LRRC37A2: variants seen among roughly 807,000 people sequenced by gnomAD.
LRRC37A2 encodes the protein leucine rich repeat containing 37 member A2.
A neutral mutation model predicts 68.8 loss-of-function variants in LRRC37A2; 9 were observed. The ratio of observed to expected loss-of-function variants is 0.13; its 90% CI spans 0.08 to 0.23. The LOEUF (loss-of-function observed/expected upper bound fraction) is 0.23. Among genes scored for constraint, LRRC37A2 ranks in the 10% least tolerant of loss-of-function variants. The pLI is 1.00. For missense variants in LRRC37A2, 168 were observed against 950.4 expected (o/e 0.18, Z 10.82); for synonymous variants, 63 against 367.6 (o/e 0.17, Z 9.48).
chr17:46,437,618 A>ACTC, the LRRC37A2 span, among the ~76,000 whole-genome samples: 1 of 145,392 alleles, frequency 6.9e-6, no homozygotes. Flanking sequence ...CAAACTTATA[A>ACTC]AGATGCACAC....
chr17:47,007,556 AGAATCATCT>A, the LRRC37A2 span, among the ~76,000 whole-genome samples: 1,233 of 152,386 alleles, frequency 8.1e-3, 10 homozygotes, highest in Non-Finnish European at 0.013. Context: ...AACTAACATC[AGAATCATCT>A]GAATCATCAG....
the LRRC37A2 span, chr17:46,851,603 C>G: frequency 8.3e-7 from 1 of 1,198,736 alleles, no homozygotes; most frequent in Non-Finnish European, 1.0e-6. The surrounding 1 kb of genome is among the most constrained non-coding windows in gnomAD (Gnocchi z 4.3). Flanking sequence ...TTGAGCGGCG[C>G]GAGGAGATGC....
chr17:46,876,993 G>C, the LRRC37A2 span: 7 of 1,260,612 alleles, frequency 5.6e-6, no homozygotes, highest in African/African-American at 1.5e-5. Context: ...AAGACATGGA[G>C]GGAAATAAGG....
chr17:46,822,996 A>T, the LRRC37A2 span, among the ~76,000 whole-genome samples: 4 of 143,832 alleles, frequency 2.8e-5, no homozygotes, highest in Admixed American at 2.2e-4. Flanking sequence ...TTATGTATTT[A>T]TATATATATG....
chr17:46,754,163 T>TC, the LRRC37A2 span, among the ~76,000 whole-genome samples: 1 of 151,430 alleles, frequency 6.6e-6, no homozygotes, highest in Non-Finnish European at 1.5e-5. Context: ...TTTTTTTTTT[T>TC]TTTTTAAGAA....
At chr17:46,796,059 G>A in the LRRC37A2 span, among the ~76,000 whole-genome samples, 4 of 152,124 alleles carry the variant, frequency 2.6e-5, no homozygotes, top group Non-Finnish European at 5.9e-5. Context: ...TGTCCCATCC[G>A]CAGGTGGTAG....
the LRRC37A2 span, among the ~76,000 whole-genome samples, chr17:46,759,185 C>T: frequency 6.6e-6 from 1 of 152,130 alleles, no homozygotes; most frequent in Non-Finnish European, 1.5e-5. Context: ...GCCTGGGCAA[C>T]GAGCAAAACT....
the LRRC37A2 span, among the ~76,000 whole-genome samples, chr17:46,782,670 C>T: frequency 6.6e-6 from 1 of 152,296 alleles, no homozygotes; most frequent in African/African-American, 2.4e-5. Context: ...TGGGGCTGGG[C>T]CTGGTGGGCT....
the LRRC37A2 span, chr17:46,936,746 T>C: frequency 7.1e-6 from 7 of 984,202 alleles, no homozygotes; most frequent in African/African-American, 1.2e-4. Context: ...AGCAGGACTT[T>C]AGCAAGAGTC....
At chr17:46,812,819 T>C in the LRRC37A2 span, among the ~76,000 whole-genome samples, 8 of 152,244 alleles carry the variant, frequency 5.3e-5, no homozygotes, top group East Asian at 1.2e-3. Context: ...AGCTTGCAGA[T>C]AGGAGGTGAA....
chr17:46,939,771 C>T, the LRRC37A2 span: 2 of 987,354 alleles, frequency 2.0e-6, no homozygotes, highest in African/African-American at 1.7e-5. Context: ...GGGACTACAA[C>T]CTTTTTCCTT....
the LRRC37A2 span, among the ~76,000 whole-genome samples, chr17:46,839,954 TTC>T: frequency 6.7e-6 from 1 of 149,404 alleles, no homozygotes; most frequent in Non-Finnish European, 1.5e-5. Context: ...CTTTCTTTCT[TTC>T]TTTCTTTCTT....
At chr17:46,842,542 T>G in the LRRC37A2 span, among the ~76,000 whole-genome samples, 1 of 152,142 alleles carries the variant, frequency 6.6e-6, no homozygotes, top group Non-Finnish European at 1.5e-5. Flanking sequence ...GCCCAGCTAT[T>G]AATTTTTTTT....
At chr17:46,826,895 T>C in the LRRC37A2 span, among the ~76,000 whole-genome samples, 1 of 151,540 alleles carries the variant, frequency 6.6e-6, no homozygotes, top group South Asian at 2.1e-4. Flanking sequence ...TTCTGCTGCC[T>C]CAGTCCTCCT....
chr17:47,023,663 T>C, the LRRC37A2 span, among the ~76,000 whole-genome samples: 5 of 152,038 alleles, frequency 3.3e-5, no homozygotes, highest in African/African-American at 4.8e-5. Context: ...GGTGCGATCT[T>C]GGCTCACTGC....
the LRRC37A2 span, among the ~76,000 whole-genome samples, chr17:47,004,528 T>A: frequency 6.6e-6 from 1 of 152,164 alleles, no homozygotes; most frequent in Admixed American, 6.5e-5. Flanking sequence ...GAAGAAAGTG[T>A]CTAGCAATGC....
the LRRC37A2 span, among the ~76,000 whole-genome samples, chr17:46,462,685 C>T: frequency 1.1e-5 from 1 of 87,892 alleles, no homozygotes; most frequent in Non-Finnish European, 2.8e-5. Context: ...GTGCCTTAAA[C>T]GGAGCTGAGA....
chr17:46,900,202 T>TATATATACACACACACACAC, the LRRC37A2 span, among the ~76,000 whole-genome samples: 1 of 101,172 alleles, frequency 9.9e-6, no homozygotes, highest in African/African-American at 5.1e-5. Flanking sequence ...TATATATATA[T>TATATATACACACACACACAC]ACACACACAC....
chr17:46,771,577 T>C, the LRRC37A2 span, among the ~76,000 whole-genome samples: 15 of 147,610 alleles, frequency 1.0e-4, no homozygotes, highest in Non-Finnish European at 2.1e-4. Context: ...CGGGGCCCGC[T>C]GGGCCGCTCA....
Sources: allele counts gnomAD v4.1 joint callset (sites outside exome capture counted in the v4.1 genomes callset), GRCh38; gene constraint gnomAD v4.1.1; non-coding constraint Gnocchi (gnomAD v3.1); transcripts MANE v1.5; gene names NCBI Gene and HGNC (gene_info 2026-07-23, HGNC 2026-07-21).